The following PRKCZ variants were observed in gnomAD, a reference collection of about 807,000 sequenced individuals.
The protein encoded by PRKCZ is protein kinase C zeta type.
Under a neutral mutation model 79.5 loss-of-function variants are expected in PRKCZ, and 33 were observed. The ratio of observed to expected loss-of-function variants is 0.41; its 90% CI spans 0.31 to 0.55. PRKCZ has a LOEUF of 0.55. Among genes scored for constraint, PRKCZ ranks in the 20% least tolerant of loss-of-function variants. The pLI is 0.19. For synonymous variants in PRKCZ, 342 were observed against 320.9 expected (o/e 1.07, Z -0.70); for missense variants, 578 against 813.5 (o/e 0.71, Z 3.52).
intron 4 of PRKCZ, among the ~76,000 whole-genome samples, chr1:2,102,831 GC>G (rs1210213090): frequency 5.3e-5 from 8 of 152,188 alleles, no homozygotes; most frequent in Middle Eastern, 6.8e-3. Context: ...GGCTGGAGGG[GC>G]CTTACCCTTT....
At chr1:2,135,104 G>A in intron 4 of PRKCZ, 158 bp from the exon 5 acceptor site, 5 of 585,578 alleles carry the variant, frequency 8.5e-6, no homozygotes, top group South Asian at 2.1e-5. Flanking sequence ...GGGGCAGAGA[G>A]AGGCCTCCGG....
At chr1:2,181,245 T>C (rs549956684) in intron 16 of PRKCZ, among the ~76,000 whole-genome samples, 1 of 152,102 alleles carries the variant, frequency 6.6e-6, no homozygotes, top group East Asian at 1.9e-4. Flanking sequence ...ACACACCCAC[T>C]ATGGGGCCTT....
chr1:2,158,552 T>C (rs1681572256), intron 10 of PRKCZ, among the ~76,000 whole-genome samples: 1 of 152,224 alleles, frequency 6.6e-6, no homozygotes, highest in Admixed American at 6.5e-5. Flanking sequence ...CCGCCCTGAC[T>C]GCCATCCCTT....
At chr1:2,059,501 C>T (rs1000046125) in intron 3 of PRKCZ, 40 bp from the exon 4 acceptor site, 16 of 1,611,524 alleles carry the variant, frequency 9.9e-6, no homozygotes, top group African/African-American at 4.0e-5. Flanking sequence ...GAGTGGCAGC[C>T]GCAGGGTCTT....
chr1:2,149,975 G>A lies in PRKCZ; in HGVS notation c.688-815G>A, dbSNP rs1402573503. On this transcript the variant is annotated intron_variant, in intron 8 of 17. Transcript: ENST00000378567. This position sits in a 1 kb window ranked among gnomAD's most constrained non-coding sequence, Gnocchi z 4.1. ...AGATGGAGACCATCCTGGCTAACAC[G>A]GTGAAACCCCGTCTCTACTAAAAAT... is the stretch of plus-strand genomic sequence containing the variant. Among the ~76,000 whole-genome samples, 1 of 151,222 alleles carries A rather than the reference G, an allele frequency of 6.6e-6. No homozygotes were observed. Among genetic ancestry groups the A allele is most frequent in the African/African-American group, 2.4e-5 (1 of 41,088 alleles).
chr1:2,118,565 C>T (rs1671211004), intron 4 of PRKCZ, among the ~76,000 whole-genome samples: 1 of 150,436 alleles, frequency 6.6e-6, no homozygotes, highest in African/African-American at 2.5e-5. Flanking sequence ...TCTCGATCTC[C>T]TGACCTCCTG....
chr1:2,063,575 A>G (rs1660878178), intron 4 of PRKCZ, among the ~76,000 whole-genome samples: 1 of 152,144 alleles, frequency 6.6e-6, no homozygotes. Context: ...GGTCTCCCAA[A>G]GTGTTGGGAT....
chr1:2,062,673 A>T (rs1314280722), intron 4 of PRKCZ, among the ~76,000 whole-genome samples: 2 of 151,372 alleles, frequency 1.3e-5, no homozygotes, highest in Non-Finnish European at 2.9e-5. Context: ...CTTTTTGTAG[A>T]GTTGGGGTTT....
chr1:2,111,288 C>T (rs1275430248), intron 4 of PRKCZ, among the ~76,000 whole-genome samples: 1 of 151,910 alleles, frequency 6.6e-6, no homozygotes, highest in Non-Finnish European at 1.5e-5. Flanking sequence ...GGAGGGAACC[C>T]CACGGCAACT....
At chr1:2,061,280 G>A (rs1660650301) in intron 4 of PRKCZ, among the ~76,000 whole-genome samples, 1 of 152,196 alleles carries the variant, frequency 6.6e-6, no homozygotes, top group African/African-American at 2.4e-5. Context: ...AACCCTGCCT[G>A]GGGGCCTGGG....
intron 5 of PRKCZ, among the ~76,000 whole-genome samples, chr1:2,140,200 T>C (rs1270319470): frequency 6.6e-6 from 1 of 152,092 alleles, no homozygotes; most frequent in Non-Finnish European, 1.5e-5. Flanking sequence ...TTCCTGATGA[T>C]AAATAAATCA....
At chr1:2,115,025 T>C (rs918985625) in intron 4 of PRKCZ, among the ~76,000 whole-genome samples, 11 of 152,276 alleles carry the variant, frequency 7.2e-5, no homozygotes, top group African/African-American at 2.7e-4. Context: ...TAGCTTGTCC[T>C]CTGGACGCGG....
At position 2,175,238 on chromosome 1, in the gene PRKCZ, G is replaced by A; in HGVS notation, c.1500G>A (p.Arg500=). The change falls in exon 16 of 18, where the codon AGG becomes AGA. Residue 500 remains arginine, a synonymous_variant. Transcript: ENST00000378567. ...KGFLNKDPKE[R]LGCRPQTGFS... The stretch of plus-strand genomic sequence containing the variant: ...CTGACCTCCAGGACCCCAAAGAGAG[G>A]CTCGGCTGCCGGCCACAGACTGGAT... 1 of 1,613,740 alleles carries A rather than the reference G, an allele frequency of 6.2e-7. No homozygotes were observed. The highest frequency in any genetic ancestry group is 1.7e-5 in the Admixed American group (1 of 59,998).
chr1:2,151,018 G>A lies in PRKCZ; in HGVS notation c.876+40G>A, dbSNP rs12069652. 1.5e-3 allele frequency: 2,425 copies of A among 1,606,994 alleles called. 37 individuals carry two copies. In the African/African-American group the frequency reaches 0.027, roughly 18 times the overall value. On this transcript the variant is annotated intron_variant, in intron 9 of 17. Transcript: ENST00000378567. ...TCATGGGGCCCGGGGGCCCGGGAACGCGCTGCCCTGGGGCCTCCTCCGGGC... is the reference window on the plus strand; with the variant it reads ...TCATGGGGCCCGGGGGCCCGGGAACACGCTGCCCTGGGGCCTCCTCCGGGC...
chr1:2,180,352 G>A (rs1480711511), intron 16 of PRKCZ, among the ~76,000 whole-genome samples: 1 of 152,178 alleles, frequency 6.6e-6, no homozygotes, highest in African/African-American at 2.4e-5. Flanking sequence ...CCCGGACGAC[G>A]TGGACACCCA....
rs868307633 is a variant in PRKCZ, at chr1:2,106,430, A to G, written c.335-28832A>G. On this transcript the variant is annotated intron_variant, in intron 4 of 17. Transcript: ENST00000378567. Reference sequence around the variant, plus strand: ...CCCTCTAGTGGGCGAGGACCTCCACACGTGTCGCCAGGCCAGGCGACTCTC... The same window carrying G: ...CCCTCTAGTGGGCGAGGACCTCCACGCGTGTCGCCAGGCCAGGCGACTCTC... 2.4e-3 allele frequency among the ~76,000 whole-genome samples: 352 copies of G among 147,608 alleles called. 1 individual carries two copies. Among genetic ancestry groups the G allele is most frequent in the East Asian group, 7.2e-3 (35 of 4,844 alleles).
chr1:2,133,457 C>G (rs1173889441), intron 4 of PRKCZ, among the ~76,000 whole-genome samples: 1 of 148,114 alleles, frequency 6.8e-6, no homozygotes, highest in African/African-American at 2.5e-5. Flanking sequence ...CTTCCCTCAG[C>G]TCTACCCCCA....
At chr1:2,179,241 G>A (rs553645803) in intron 16 of PRKCZ, among the ~76,000 whole-genome samples, 4 of 152,312 alleles carry the variant, frequency 2.6e-5, no homozygotes, top group East Asian at 1.9e-4. Context: ...TGAGTCCTCC[G>A]GTTTGGCTGT....
intron 4 of PRKCZ, among the ~76,000 whole-genome samples, chr1:2,115,307 G>A (rs1670537913): frequency 6.6e-6 from 1 of 152,252 alleles, no homozygotes; most frequent in South Asian, 2.1e-4. Context: ...CGGGGTCCCG[G>A]CTTTTGGCCA....
Sources: allele counts gnomAD v4.1 joint callset (sites outside exome capture counted in the v4.1 genomes callset), GRCh38; gene constraint gnomAD v4.1.1; non-coding constraint Gnocchi (gnomAD v3.1); transcripts MANE v1.5; gene names NCBI Gene and HGNC (gene_info 2026-07-23, HGNC 2026-07-21).